ZNF280B: variants seen among roughly 807,000 people sequenced by gnomAD.
ZNF280B encodes the protein suppressor of hairy wing homolog 2.
In ZNF280B, 16 loss-of-function variants were observed where a neutral mutation model predicts 38.0. The observed-to-expected ratio is 0.42, with a 90% CI of 0.28 to 0.64. The LOEUF is 0.64. ZNF280B is among the 30% of genes least tolerant of loss of function. The pLI, the probability that ZNF280B is intolerant of heterozygous loss-of-function variation, is 0.21. For synonymous variants in ZNF280B, 253 were observed against 230.6 expected, an observed-to-expected ratio of 1.10 and a Z score of -0.88; for missense variants, 581 against 639.6, an observed-to-expected ratio of 0.91 and a Z score of 0.99.
chr22:22,485,790 A>G lies in ZNF280B; in HGVS notation c.*1977T>C, dbSNP rs2061494144. 1.3e-5 allele frequency: 2 copies of G among 151,978 alleles called. No homozygotes were observed. The highest frequency in any genetic ancestry group is 6.6e-5 in the Admixed American group (1 of 15,242). The allele number at this position is 151,978 out of a possible 1,614,324, so 9.4% of individuals were successfully genotyped here. ...TTTCTCCAGACCTATGTATGTCTAC[A>G]GCCAAGATGGCGGATTCCTTGACTG... is the stretch of plus-strand genomic sequence containing the variant. On this transcript the variant is annotated 3_prime_UTR_variant, in exon 4 of 4. Transcript: ENST00000626650.
intron 2 of ZNF280B, among the ~76,000 whole-genome samples, chr22:22,497,170 T>C (rs2061714579): frequency 7.7e-6 from 1 of 129,428 alleles, no homozygotes; most frequent in Non-Finnish European, 1.6e-5. Flanking sequence ...CCCTTTTCCT[T>C]CCCTTCCTCC....
At chr22:22,504,629 T>C (rs1207218195) in intron 2 of ZNF280B, among the ~76,000 whole-genome samples, 2 of 152,014 alleles carry the variant, frequency 1.3e-5, no homozygotes, top group Non-Finnish European at 2.9e-5. Flanking sequence ...TAAGGTTCTG[T>C]GTGTAGCCAA....
At position 22,488,866 on chromosome 22, in the gene ZNF280B, A is replaced by G. The variant is rs144261235; in HGVS notation, c.533T>C (p.Phe178Ser). The G allele has an allele frequency of 1.8e-5, 29 of 1,613,748 alleles. No individual in the cohort carries two copies. In the African/African-American group the frequency reaches 2.4e-4, roughly 13 times the overall value. ...TTTGGGATTTATGCTGTTTACTTCG[A>G]AAGTGGAAAGTTGCTTTGATACACG... ...SPRVSKQLST[F>S]EVNSINPKRA... Residue 178 changes from phenylalanine to serine, a missense_variant, in exon 4 of 4, where the codon TTC becomes TCC. Coordinates refer to ENST00000626650, the MANE Select transcript of ZNF280B (RefSeq NM_080764.4).
At chr22:22,503,000 G>T (rs1378791921) in intron 2 of ZNF280B, among the ~76,000 whole-genome samples, 2 of 151,972 alleles carry the variant, frequency 1.3e-5, no homozygotes, top group Non-Finnish European at 2.9e-5. Flanking sequence ...CAGAAGCAAA[G>T]ATTAGAGTGA....
At chr22:22,505,458 CGGG>C (rs2061916812) in intron 2 of ZNF280B, among the ~76,000 whole-genome samples, 1 of 151,700 alleles carries the variant, frequency 6.6e-6, no homozygotes, top group Non-Finnish European at 1.5e-5. Context: ...CCCAGCTACT[CGGG>C]AGGCTGAGGC....
At chr22:22,492,190 C>T (rs5758489) in intron 3 of ZNF280B, among the ~76,000 whole-genome samples, 28,948 of 151,616 alleles carry the variant, frequency 0.19, 3,177 homozygotes, top group South Asian at 0.33. Flanking sequence ...ACAACTTAAT[C>T]AGTAGATATA....
In ZNF280B at chr22:22,488,907, ACCT is replaced by A. The variant is rs768950798; in HGVS notation, c.489_491del (p.Gly164del). ...TTGATACACGAGGACTTTCATTTAT[ACCT>A]CCTACTGAAAGTGCTGTACTTACTG... On this transcript the variant is annotated inframe_deletion, in exon 4 of 4. Transcript: ENST00000626650. 1.5e-5 allele frequency: 24 copies of A among 1,613,584 alleles called. No homozygotes were observed. Among genetic ancestry groups the A allele is most frequent in the Non-Finnish European group, 1.9e-5 (22 of 1,179,968 alleles).
intron 3 of ZNF280B, among the ~76,000 whole-genome samples, chr22:22,493,246 G>A (rs1213552776): frequency 6.6e-6 from 1 of 151,816 alleles, no homozygotes; most frequent in Non-Finnish European, 1.5e-5. Context: ...TGACCTCATG[G>A]TCTGCCTGCC....
intron 3 of ZNF280B, 104 bp from the exon 4 acceptor site, chr22:22,489,570 C>T (rs12158140): frequency 1.7e-6 from 1 of 581,962 alleles, no homozygotes; most frequent in Non-Finnish European, 2.9e-6. Flanking sequence ...CACAAGGACA[C>T]TGAGACTGAA....
At chr22:22,505,840 G>A (rs1030548398) in intron 2 of ZNF280B, among the ~76,000 whole-genome samples, 5 of 151,952 alleles carry the variant, frequency 3.3e-5, no homozygotes, top group African/African-American at 9.7e-5. Flanking sequence ...ATTACTGGAA[G>A]GCTCTGAGTG....
chr22:22,496,281 A>G (rs915249639), intron 2 of ZNF280B, among the ~76,000 whole-genome samples: 1 of 150,814 alleles, frequency 6.6e-6, no homozygotes, highest in African/African-American at 2.4e-5. Context: ...TATTTTTATT[A>G]GAGATGGGGT....
At chr22:22,501,310 A>C (rs2061820183) in intron 2 of ZNF280B, among the ~76,000 whole-genome samples, 1 of 151,872 alleles carries the variant, frequency 6.6e-6, no homozygotes. Context: ...CACGTCTATA[A>C]TCCCAGCACT....
chr22:22,498,990 G>A (rs749261327), intron 2 of ZNF280B, among the ~76,000 whole-genome samples: 46 of 150,912 alleles, frequency 3.0e-4, no homozygotes, highest in Admixed American at 1.1e-3. Context: ...TAGTGGAGAC[G>A]GGGTTTCACT....
chr22:22,506,426 GAT>G (rs2061941490), intron 2 of ZNF280B, among the ~76,000 whole-genome samples: 1 of 151,788 alleles, frequency 6.6e-6, no homozygotes. Flanking sequence ...GCTGCCAATA[GAT>G]CAAATAAAAT....
Position 22,488,408 on chromosome 22 carries a change from A to G in ZNF280B, c.991T>C (p.Phe331Leu), listed in dbSNP as rs1039638543. The G allele has an allele frequency of 5.6e-6, 9 of 1,613,868 alleles. No homozygotes were observed. The highest frequency in any genetic ancestry group is 7.6e-6 in the Non-Finnish European group (9 of 1,179,974). The change falls in exon 4 of 4, where the codon TTT becomes CTT. Residue 331 changes from phenylalanine to leucine, a missense_variant. Transcript: ENST00000626650. ...FMNHVKHHLE[F>L]EKQRNDSWEN... ...CAGCTGTCGTTCCTCTGCTTCTCAA[A>G]TTCCAAATGATGCTTCACGTGATTC...
intron 3 of ZNF280B, 101 bp from the exon 4 acceptor site, chr22:22,489,567 A>T (rs924529529): frequency 1.7e-6 from 1 of 587,122 alleles, no homozygotes; most frequent in African/African-American, 1.9e-5. Context: ...ACCCACAAGG[A>T]CACTGAGACT....
At chr22:22,493,903 G>GT (rs1306157137) in intron 3 of ZNF280B, among the ~76,000 whole-genome samples, 160 bp downstream of exon 3, 1 of 151,868 alleles carries the variant, frequency 6.6e-6, no homozygotes, top group African/African-American at 2.4e-5. Flanking sequence ...GGGCTGAACT[G>GT]TGTTCCCCCC....
chr22:22,503,554 T>A (rs1024762007), intron 2 of ZNF280B, among the ~76,000 whole-genome samples: 6 of 152,020 alleles, frequency 3.9e-5, no homozygotes, highest in Middle Eastern at 7.0e-3. Flanking sequence ...TAAGCTAGTA[T>A]CAGGTGGTCA....
intron 2 of ZNF280B, among the ~76,000 whole-genome samples, chr22:22,499,695 A>T (rs2061778321): frequency 6.6e-6 from 1 of 152,034 alleles, no homozygotes; most frequent in Non-Finnish European, 1.5e-5. Context: ...TCCACCAGAC[A>T]AAGGCATCTG....
Sources: allele counts gnomAD v4.1 joint callset (sites outside exome capture counted in the v4.1 genomes callset), GRCh38; gene constraint gnomAD v4.1.1; transcripts MANE v1.5; gene names NCBI Gene and HGNC (gene_info 2026-07-23, HGNC 2026-07-21).